Variants in MICU3 observed in about 807,000 individuals in gnomAD.
MICU3 encodes calcium uptake protein 3, mitochondrial.
In MICU3, 62 loss-of-function variants were observed where a neutral mutation model predicts 66.5. The observed-to-expected ratio is 0.93, with a 90% CI of 0.76 to 1.15. The LOEUF (loss-of-function observed/expected upper bound fraction) is 1.15, where lower values mean the gene tolerates loss of function less well. MICU3 is among the 50% of genes most tolerant of loss of function. MICU3 has a pLI of 0.00. For missense variants in MICU3, 779 were observed against 664.4 expected (o/e 1.17, Z -1.90); for synonymous variants, 308 against 240.7 (o/e 1.28, Z -2.59).
At chr8:17,113,927 T>A (rs1404208640) in intron 11 of MICU3, among the ~76,000 whole-genome samples, 166 bp from the exon 12 acceptor site, 2 of 151,852 alleles carry the variant, frequency 1.3e-5, no homozygotes, top group African/African-American at 4.9e-5. Flanking sequence ...TAAGTCTGAG[T>A]GAATTTTACA....
chr8:17,099,828 T>C (rs1801102826), intron 9 of MICU3, among the ~76,000 whole-genome samples: 4 of 151,788 alleles, frequency 2.6e-5, no homozygotes, highest in African/African-American at 9.7e-5. Context: ...ATATCATTGT[T>C]GTCTCTCCCC....
At chr8:17,043,130 G>A (rs555500924) in intron 1 of MICU3, among the ~76,000 whole-genome samples, 20 of 151,158 alleles carry the variant, frequency 1.3e-4, no homozygotes, top group Non-Finnish European at 2.7e-4. Context: ...TAGTAGAGAC[G>A]GGGTTTCACC....
chr8:17,087,387 AGTG>A (rs1007887197), intron 7 of MICU3, among the ~76,000 whole-genome samples: 1 of 152,034 alleles, frequency 6.6e-6, no homozygotes, highest in African/African-American at 2.4e-5. Flanking sequence ...GAGAGAATTT[AGTG>A]GTAATATAAC....
chr8:17,129,814 C>T, the MICU3 span, among the ~76,000 whole-genome samples: 1 of 152,018 alleles, frequency 6.6e-6, no homozygotes, highest in African/African-American at 2.4e-5. Flanking sequence ...CCAAACAAAC[C>T]CACATCTGTT....
intron 1 of MICU3, among the ~76,000 whole-genome samples, chr8:17,055,711 T>C (rs957479065): frequency 2.6e-5 from 4 of 152,200 alleles, no homozygotes; most frequent in African/African-American, 9.7e-5. Flanking sequence ...TGAATGACTA[T>C]ATAAAGCAGA....
chr8:17,054,119 A>G (rs904331584), intron 1 of MICU3, among the ~76,000 whole-genome samples: 5 of 152,216 alleles, frequency 3.3e-5, no homozygotes, highest in East Asian at 1.9e-4. Context: ...AAATACTGCA[A>G]TGATACCTTA....
intron 1 of MICU3, among the ~76,000 whole-genome samples, chr8:17,055,619 A>C (rs1206335113): frequency 6.6e-6 from 1 of 152,132 alleles, no homozygotes; most frequent in Non-Finnish European, 1.5e-5. Flanking sequence ...GGCCTATAAA[A>C]GCTTCTCACA....
At position 17,031,788 on chromosome 8, in the gene MICU3, G is replaced by C. The variant is rs529897132; in HGVS notation, c.381+4128G>C. 2.0e-5 allele frequency among the ~76,000 whole-genome samples: 3 copies of C among 152,244 alleles called. No homozygotes were observed. The East Asian group carries it at 5.8e-4, about 29-fold the overall frequency. On this transcript the variant is annotated intron_variant, in intron 1 of 14. Coordinates refer to ENST00000318063, the MANE Select transcript of MICU3 (RefSeq NM_181723.3). ...AACAGCAGTAACTTACAGAAATACA[G>C]TTCTCTTATATGATAGCCTTGAAGA... is the stretch of plus-strand genomic sequence containing the variant.
At chr8:17,088,844 AG>A (rs1321193679) in intron 7 of MICU3, among the ~76,000 whole-genome samples, 1 of 151,978 alleles carries the variant, frequency 6.6e-6, no homozygotes, top group Non-Finnish European at 1.5e-5. Flanking sequence ...CCAAGGTATA[AG>A]AAATTTAATA....
the MICU3 span, among the ~76,000 whole-genome samples, chr8:17,129,298 G>T: frequency 6.6e-6 from 1 of 152,260 alleles, no homozygotes; most frequent in South Asian, 2.1e-4. Flanking sequence ...CCCTTAAAAA[G>T]GGGAGAAAGT....
intron 1 of MICU3, among the ~76,000 whole-genome samples, chr8:17,035,088 C>G (rs1325046220): frequency 1.3e-5 from 2 of 152,156 alleles, no homozygotes; most frequent in African/African-American, 4.8e-5. Context: ...GGGGAGTACC[C>G]CTGCACATAC....
At chr8:17,056,898 T>C (rs1243458188) in intron 1 of MICU3, among the ~76,000 whole-genome samples, 1 of 152,156 alleles carries the variant, frequency 6.6e-6, no homozygotes, top group Non-Finnish European at 1.5e-5. Context: ...GCCAGAGAAA[T>C]TGCGAAGTTA....
At chr8:17,137,434 T>C in the MICU3 span, among the ~76,000 whole-genome samples, 3 of 149,988 alleles carry the variant, frequency 2.0e-5, no homozygotes, top group Non-Finnish European at 2.9e-5. Context: ...ATAAAAACAC[T>C]ACGACAAGTT....
In MICU3 at chr8:17,047,474, G is replaced by A. The variant is rs568492030; in HGVS notation, c.382-16610G>A. On this transcript the variant is annotated intron_variant, in intron 1 of 14. Transcript: ENST00000318063. Reference sequence around the variant, plus strand: ...AGAGATAATGGTTGAAAAGTTCCCAGGAAGGAACAAAGACATTAATCTTCA... The same window carrying A: ...AGAGATAATGGTTGAAAAGTTCCCAAGAAGGAACAAAGACATTAATCTTCA... Among the ~76,000 whole-genome samples, 4 of 152,260 alleles carry A rather than the reference G, an allele frequency of 2.6e-5. No homozygotes were observed. In the East Asian group the frequency reaches 7.7e-4, roughly 29 times the overall value.
intron 11 of MICU3, among the ~76,000 whole-genome samples, chr8:17,110,219 A>G (rs1267696725): frequency 6.6e-6 from 1 of 152,136 alleles, no homozygotes; most frequent in Non-Finnish European, 1.5e-5. Context: ...TTTTTGAGTT[A>G]GTCTTTTCCT....
rs1009139946 is a variant in MICU3 at position 17,121,907 on chromosome 8, T to G, written c.*1620T>G. ...AAATGAAAATGCCTACCCACTCATA[T>G]AACATACCTCAGGTCTATTTTACCT... On this transcript the variant is annotated 3_prime_UTR_variant, in exon 15 of 15. Transcript: ENST00000318063. 6.6e-6 allele frequency: 1 copy of G among 151,828 alleles called. No homozygotes were observed. The highest frequency in any genetic ancestry group is 2.4e-5 in the African/African-American group (1 of 41,440). 9.4% of individuals were successfully genotyped at this position (151,828 alleles called of 1,614,324 possible).
intron 7 of MICU3, among the ~76,000 whole-genome samples, chr8:17,088,061 T>C (rs1409947246): frequency 6.6e-6 from 1 of 152,036 alleles, no homozygotes; most frequent in Non-Finnish European, 1.5e-5. Flanking sequence ...TTATTATCTA[T>C]AGCAGATGGG....
chr8:17,060,391 G>A (rs1817640806), intron 1 of MICU3, among the ~76,000 whole-genome samples: 1 of 151,882 alleles, frequency 6.6e-6, no homozygotes, highest in African/African-American at 2.4e-5. Flanking sequence ...CTGCCTCCCG[G>A]GTTACGAGTG....
chr8:17,094,826 G>A (rs2150777795), intron 8 of MICU3, among the ~76,000 whole-genome samples: 1 of 152,086 alleles, frequency 6.6e-6, no homozygotes, highest in Admixed American at 6.6e-5. Flanking sequence ...CAGTAGTGCT[G>A]TATGCACGCT....
Sources: allele counts gnomAD v4.1 joint callset (sites outside exome capture counted in the v4.1 genomes callset), GRCh38; gene constraint gnomAD v4.1.1; transcripts MANE v1.5; gene names NCBI Gene and HGNC (gene_info 2026-07-23, HGNC 2026-07-21).